The following INTS14 variants were observed in gnomAD, a reference collection of about 807,000 sequenced individuals.
INTS14 encodes the protein integrator complex subunit 14.
In INTS14, 27 loss-of-function variants were observed where a neutral mutation model predicts 56.9. The observed-to-expected ratio is 0.47, with a 90% CI of 0.35 to 0.65. The LOEUF (loss-of-function observed/expected upper bound fraction) is 0.65. Among genes scored for constraint, INTS14 ranks in the 30% least tolerant of loss-of-function variants. The probability of loss-of-function intolerance (pLI) is 0.00; values close to 1 mark genes in which losing one functional copy is unlikely to be tolerated. For synonymous variants in INTS14, 207 were observed against 236.2 expected, an observed-to-expected ratio of 0.88 and a Z score of 1.13; for missense variants, 517 against 632.2, an observed-to-expected ratio of 0.82 and a Z score of 1.95.
intron 6 of INTS14, 114 bp downstream of exon 6, chr15:65,598,207 C>G: frequency 9.2e-7 from 1 of 1,089,768 alleles, no homozygotes; most frequent in Non-Finnish European, 1.3e-6. Context: ...CAACCTGTAC[C>G]ACAATATATA....
intron 11 of INTS14, 113 bp from the exon 12 acceptor site, chr15:65,579,772 A>T: frequency 7.1e-7 from 1 of 1,411,304 alleles, no homozygotes; most frequent in South Asian, 1.5e-5. Context: ...GAGCAATTTT[A>T]TATGAGAACA....
chr15:65,601,047 AT>A (rs1410427493), intron 3 of INTS14, among the ~76,000 whole-genome samples: 2 of 152,164 alleles, frequency 1.3e-5, no homozygotes, highest in African/African-American at 4.8e-5. Flanking sequence ...TTGCCACTTT[AT>A]TTTCAAAGAT....
intron 3 of INTS14, among the ~76,000 whole-genome samples, chr15:65,603,258 GA>G (rs1440566884): frequency 6.6e-6 from 1 of 152,096 alleles, no homozygotes; most frequent in Non-Finnish European, 1.5e-5. Context: ...GTTTTCACAA[GA>G]AAAAATGTTT....
intron 2 of INTS14, among the ~76,000 whole-genome samples, chr15:65,605,477 A>G (rs1363086413): frequency 6.6e-6 from 1 of 152,232 alleles, no homozygotes; most frequent in Non-Finnish European, 1.5e-5. Context: ...CACCAAGTTT[A>G]CATTTTTGTT....
At chr15:65,589,373 G>A (rs549528518) in intron 9 of INTS14, among the ~76,000 whole-genome samples, 79 of 152,164 alleles carry the variant, frequency 5.2e-4, no homozygotes, top group Non-Finnish European at 9.8e-4. Context: ...GGCCAGGCTG[G>A]TCTCAAACTC....
At chr15:65,586,960 A>T (rs2072848063) in intron 9 of INTS14, 2 of 152,202 alleles carry the variant, frequency 1.3e-5, no homozygotes, top group Non-Finnish European at 2.9e-5. Context: ...CAGGGATACA[A>T]AGAAGATCAC....
chr15:65,607,550 T>G, intron 1 of INTS14, 108 bp from the exon 2 acceptor site: 1 of 1,264,256 alleles, frequency 7.9e-7, no homozygotes, highest in Non-Finnish European at 1.1e-6. Flanking sequence ...CCATTTAAGT[T>G]GAGGTGAGGA....
intron 8 of INTS14, 116 bp downstream of exon 8, chr15:65,593,312 G>A: frequency 7.7e-7 from 1 of 1,306,468 alleles, no homozygotes; most frequent in South Asian, 1.6e-5. Context: ...TGTGTGGCAG[G>A]AAAAGGAAAA....
At chr15:65,587,870 CA>C (rs2072884637) in intron 9 of INTS14, among the ~76,000 whole-genome samples, 1 of 151,996 alleles carries the variant, frequency 6.6e-6, no homozygotes, top group Non-Finnish European at 1.5e-5. Flanking sequence ...TGGTCCCAGC[CA>C]CATGAGAGGT....
rs2073930025 is a variant in INTS14 at position 65,611,124 on chromosome 15, G to T, written c.-89C>A. ...CCGTGCCCATCGCCGGACACAGTCC[G>T]TCGGCATAAACTTTCCGTCGGCATA... is the stretch of plus-strand genomic sequence containing the variant. On this transcript the variant is annotated 5_prime_UTR_variant, in exon 1 of 12. Transcript: ENST00000313182. 1 of 1,534,720 alleles carries T rather than the reference G, an allele frequency of 6.5e-7. No individual in the cohort carries two copies. Among genetic ancestry groups the T allele is most frequent in the Non-Finnish European group, 8.7e-7 (1 of 1,146,406 alleles).
chr15:65,607,011 G>A (rs1463333300), intron 2 of INTS14, 148 bp downstream of exon 2: 1 of 974,726 alleles, frequency 1.0e-6, no homozygotes, highest in Non-Finnish European at 1.5e-6. Flanking sequence ...CCTACTGGTT[G>A]TGAATTCTTG....
chr15:65,602,172 G>A (rs1471720559), intron 3 of INTS14, among the ~76,000 whole-genome samples: 2 of 152,298 alleles, frequency 1.3e-5, no homozygotes, highest in African/African-American at 2.4e-5. Context: ...CCCGGAGGCA[G>A]AGGCTGCAGT....
chr15:65,602,234 G>A (rs188087174), intron 3 of INTS14, among the ~76,000 whole-genome samples: 4 of 150,558 alleles, frequency 2.7e-5, no homozygotes, highest in African/African-American at 4.9e-5. Context: ...GCAAGACTCT[G>A]TTTCAAAAAA....
At chr15:65,600,979 G>A (rs1335906496) in intron 3 of INTS14, among the ~76,000 whole-genome samples, 3 of 152,096 alleles carry the variant, frequency 2.0e-5, no homozygotes, top group Admixed American at 1.3e-4. Flanking sequence ...TGTCAAATAT[G>A]GAATGAAGAT....
chr15:65,592,625 G>T (rs971240304), intron 8 of INTS14, among the ~76,000 whole-genome samples: 1 of 152,194 alleles, frequency 6.6e-6, no homozygotes, highest in Non-Finnish European at 1.5e-5. Flanking sequence ...TCTATAGATA[G>T]GGATAATGCT....
intron 3 of INTS14, among the ~76,000 whole-genome samples, chr15:65,602,847 T>C (rs1311624783): frequency 6.6e-6 from 1 of 152,170 alleles, no homozygotes; most frequent in East Asian, 1.9e-4. Context: ...TTTTTATTTT[T>C]AGTAGAGACA....
Position 65,607,794 on chromosome 15 carries a change from G to C in INTS14, c.-62-352C>G, listed in dbSNP as rs116072175. Among the ~76,000 whole-genome samples, 490 of 152,292 alleles carry C rather than the reference G, an allele frequency of 3.2e-3. 2 individuals carry two copies. Among genetic ancestry groups the C allele is most frequent in the African/African-American group, 0.011 (471 of 41,576 alleles). ...CTTAATTTACTGAAGAACATTTCTA[G>C]TTGTCATATGTTGGTGCTATTTGAC... is the stretch of plus-strand genomic sequence containing the variant. On this transcript the variant is annotated intron_variant, in intron 1 of 11. Transcript: ENST00000313182.
chr15:65,593,259 A>G (rs887755013), intron 8 of INTS14, among the ~76,000 whole-genome samples, 169 bp downstream of exon 8: 4 of 148,916 alleles, frequency 2.7e-5, no homozygotes, highest in African/African-American at 1.0e-4. Flanking sequence ...ACCTCGTCTC[A>G]AAAAAAACAA....
rs1244259570 is a variant in INTS14, at chr15:65,584,837, A to T, written c.1172T>A (p.Leu391Gln). 3 of 1,613,390 alleles carry T rather than the reference A, an allele frequency of 1.9e-6. No homozygotes were observed. Among genetic ancestry groups the T allele is most frequent in the African/African-American group, 1.3e-5 (1 of 74,890 alleles). ...ATAACTGCGTTTGTTTTTGGGCTGC[A>T]GGGGGAATGGACTCTTATTGTCATC... The part of the protein sequence containing the change: ...GEDDNKSPFP[L>Q]QPKNKRSYAQ... The change falls in exon 10 of 12, where the codon CTG becomes CAG. Residue 391 changes from leucine to glutamine, a missense_variant. Transcript: ENST00000313182.
Sources: gnomAD v4.1 joint callset for allele counts (sites outside exome capture counted in the v4.1 genomes callset) on GRCh38, gnomAD v4.1.1 for gene constraint, MANE v1.5 for transcripts, NCBI Gene and HGNC (gene_info 2026-07-23, HGNC 2026-07-21) for gene names.